Variants in INPP4A observed in about 807,000 individuals in gnomAD.
INPP4A encodes the protein inositol polyphosphate-4-phosphatase type I A.
In INPP4A, 33 loss-of-function variants were observed where a neutral mutation model predicts 119.8. The observed-to-expected ratio is 0.28, with a 90% CI of 0.21 to 0.37. The LOEUF (loss-of-function observed/expected upper bound fraction) is 0.37. INPP4A is among the 10% of genes least tolerant of loss of function. INPP4A has a pLI of 1.00. For missense variants in INPP4A, 956 were observed against 1,289.9 expected, an observed-to-expected ratio of 0.74 and a Z score of 3.97; for synonymous variants, 496 against 500.7, an observed-to-expected ratio of 0.99 and a Z score of 0.12.
intron 5 of INPP4A, 45 bp from the exon 6 acceptor site, chr2:98,535,684 T>A (rs772304233): frequency 3.4e-6 from 3 of 880,334 alleles, no homozygotes; most frequent in Non-Finnish European, 5.3e-6. Context: ...AATTACATTT[T>A]AAAAATCCAA....
intron 1 of INPP4A, among the ~76,000 whole-genome samples, chr2:98,517,421 G>A (rs939931078): frequency 6.6e-6 from 1 of 152,188 alleles, no homozygotes; most frequent in African/African-American, 2.4e-5. Context: ...TTCAACTTAA[G>A]TAGAGACGGC....
At chr2:98,559,006 C>A (rs1321205071) in intron 16 of INPP4A, among the ~76,000 whole-genome samples, 1 of 152,190 alleles carries the variant, frequency 6.6e-6, no homozygotes, top group African/African-American at 2.4e-5. Flanking sequence ...CCAGGCTTCC[C>A]CGGTGAATCA....
At position 98,581,946 on chromosome 2, in the gene INPP4A, C is replaced by A. The variant is rs1394743060; in HGVS notation, c.2786+4803C>A. The A allele has an allele frequency of 4.1e-6, 4 of 969,916 alleles. No homozygotes were observed. In the African/African-American group the frequency reaches 5.1e-5, roughly 12 times the overall value. The allele number at this position is 969,916 out of a possible 1,614,324, so 60.1% of individuals were successfully genotyped here. On this transcript the variant is annotated intron_variant, in intron 24 of 24. Coordinates refer to ENST00000409851, the MANE Select transcript of INPP4A (RefSeq NM_001134225.2). ...CTGCCAAATTATTTCACCAAGAAGA[C>A]TTGTTTGTTTAGCTCCTGTAGCATC...
At chr2:98,468,285 G>T (rs1369037302) in intron 1 of INPP4A, among the ~76,000 whole-genome samples, 4 of 152,184 alleles carry the variant, frequency 2.6e-5, no homozygotes, top group African/African-American at 9.7e-5. Flanking sequence ...GTCTAGTCTG[G>T]AGTACAGCCA....
Position 98,499,682 on chromosome 2 carries a change from A to AT in INPP4A, c.-165-19275dup, listed in dbSNP as rs573296219. On this transcript the variant is annotated intron_variant, in intron 1 of 24. Coordinates refer to ENST00000409851, the MANE Select transcript of INPP4A (RefSeq NM_001134225.2). ...CCTTTTTAAAAATTAATAAACTTAA[A>AT]TTTTTTTAGAGCAGTTTTAGTTCAC... 7.4e-3 allele frequency among the ~76,000 whole-genome samples: 1,134 copies of AT among 152,326 alleles called. 15 individuals carry two copies. Among genetic ancestry groups the AT allele is most frequent in the Middle Eastern group, 0.031 (9 of 294 alleles).
intron 1 of INPP4A, among the ~76,000 whole-genome samples, chr2:98,470,446 G>T (rs181301167): frequency 6.6e-6 from 1 of 152,184 alleles, no homozygotes; most frequent in East Asian, 1.9e-4. Flanking sequence ...CCTTCCCTCC[G>T]CAGGGAGGCA....
intron 7 of INPP4A, 71 bp downstream of exon 7, chr2:98,536,279 C>T: frequency 1.1e-6 from 1 of 930,514 alleles, no homozygotes; most frequent in Admixed American, 2.0e-5. Context: ...GGGAAAGGAC[C>T]CACTTCTTAT....
chr2:98,469,187 G>A (rs915605078), intron 1 of INPP4A, among the ~76,000 whole-genome samples: 4 of 152,088 alleles, frequency 2.6e-5, no homozygotes, highest in African/African-American at 7.2e-5. Flanking sequence ...GGAGAGCAGT[G>A]GGCCTTAGAG....
chr2:98,494,195 ATCTCC>A (rs2105287206), intron 1 of INPP4A, among the ~76,000 whole-genome samples: 1 of 152,270 alleles, frequency 6.6e-6, no homozygotes, highest in South Asian at 2.1e-4. Flanking sequence ...GGGCTATGGT[ATCTCC>A]CCAGGAGGGC....
intron 24 of INPP4A, among the ~76,000 whole-genome samples, chr2:98,580,366 C>G (rs960722582): frequency 6.6e-6 from 1 of 152,204 alleles, no homozygotes; most frequent in African/African-American, 2.4e-5. Flanking sequence ...CCCCAAAAGC[C>G]CTGATCTGTA....
At chr2:98,582,403 C>G (rs1699439349) in intron 24 of INPP4A, among the ~76,000 whole-genome samples, 1 of 152,168 alleles carries the variant, frequency 6.6e-6, no homozygotes, top group Non-Finnish European at 1.5e-5. Flanking sequence ...GTAGCAAGAG[C>G]CAGACACAGT....
chr2:98,576,134 A>G (rs957333737), intron 23 of INPP4A, among the ~76,000 whole-genome samples: 2 of 152,252 alleles, frequency 1.3e-5, no homozygotes, highest in Non-Finnish European at 2.9e-5. Context: ...AAGTAGTCTT[A>G]TATCAGCTCA....
intron 1 of INPP4A, among the ~76,000 whole-genome samples, chr2:98,508,066 C>T (rs951495434): frequency 6.6e-6 from 1 of 152,158 alleles, no homozygotes. Context: ...GGGCCGCCCA[C>T]TTTGCATTCT....
intron 1 of INPP4A, among the ~76,000 whole-genome samples, chr2:98,467,208 C>A (rs1234677583): frequency 6.6e-6 from 1 of 152,056 alleles, no homozygotes; most frequent in Non-Finnish European, 1.5e-5. Flanking sequence ...ACTCACGCAC[C>A]CTCAAAGCGG....
At chr2:98,479,791 G>A (rs1394632663) in intron 1 of INPP4A, among the ~76,000 whole-genome samples, 1 of 152,190 alleles carries the variant, frequency 6.6e-6, no homozygotes, top group Admixed American at 6.5e-5. Flanking sequence ...GACCAACTTC[G>A]ATTGAGCTGG....
At position 98,546,741 on chromosome 2, in the gene INPP4A, C is replaced by T. The variant is rs1692547818; in HGVS notation, c.1163+47C>T. 2 of 1,128,840 alleles carry T rather than the reference C, an allele frequency of 1.8e-6. No individual in the cohort carries two copies. Among genetic ancestry groups the T allele is most frequent in the African/African-American group, 1.5e-5 (1 of 65,086 alleles). The allele number at this position is 1,128,840 out of a possible 1,614,324, so 69.9% of individuals were successfully genotyped here. ...GTGGTCCTTGTACAGCTTTCTGATG[C>T]TTCTTTTCTCAGTTTAAAATAAAAT... On this transcript the variant is annotated intron_variant, in intron 13 of 24. Coordinates refer to ENST00000409851, the MANE Select transcript of INPP4A (RefSeq NM_001134225.2). The surrounding 1 kb of genome is among the most constrained non-coding windows in gnomAD (Gnocchi z 4.2).
chr2:98,520,230 G>A, intron 3 of INPP4A, 76 bp downstream of exon 3: 2 of 1,118,078 alleles, frequency 1.8e-6, no homozygotes, highest in South Asian at 2.7e-5. Context: ...AGCAGTGCTG[G>A]CAGGTACCCA....
intron 1 of INPP4A, among the ~76,000 whole-genome samples, chr2:98,470,437 C>T (rs978939017): frequency 6.6e-6 from 1 of 152,216 alleles, no homozygotes; most frequent in African/African-American, 2.4e-5. Flanking sequence ...TGGTCTGTCC[C>T]TTCCCTCCGC....
intron 1 of INPP4A, among the ~76,000 whole-genome samples, chr2:98,473,240 G>A (rs1676470634): frequency 6.6e-6 from 1 of 150,528 alleles, no homozygotes; most frequent in South Asian, 2.1e-4. Context: ...AGAGTGTGGA[G>A]GGCAGTGTGG....
Sources: allele counts gnomAD v4.1 joint callset (sites outside exome capture counted in the v4.1 genomes callset), GRCh38; gene constraint gnomAD v4.1.1; non-coding constraint Gnocchi (gnomAD v3.1); transcripts MANE v1.5; gene names NCBI Gene and HGNC (gene_info 2026-07-23, HGNC 2026-07-21).